Variants in HHAT observed in about 807,000 individuals in gnomAD.
HHAT encodes the protein hedgehog acyltransferase, also known as protein-cysteine N-palmitoyltransferase HHAT.
In HHAT, 47 loss-of-function variants were observed where a neutral mutation model predicts 70.8. The ratio of observed to expected loss-of-function variants is 0.66; its 90% CI spans 0.53 to 0.85. HHAT has a LOEUF of 0.85. Ranked by LOEUF, HHAT falls within the 40% of genes least tolerant of loss-of-function variation. The probability of loss-of-function intolerance (pLI) is 0.00; values close to 1 mark genes in which losing one functional copy is unlikely to be tolerated. For missense variants in HHAT, 609 were observed against 604.8 expected (o/e 1.01, Z -0.07); for synonymous variants, 228 against 247.6 (o/e 0.92, Z 0.74).
chr1:210,548,277 T>A (rs1573229781), intron 9 of HHAT, among the ~76,000 whole-genome samples: 1 of 152,322 alleles, frequency 6.6e-6, no homozygotes, highest in East Asian at 1.9e-4. Context: ...TTGGCCTATG[T>A]TAATGTCCTG....
At chr1:210,399,167 G>A (rs184930916) in intron 4 of HHAT, among the ~76,000 whole-genome samples, 45 of 152,338 alleles carry the variant, frequency 3.0e-4, no homozygotes, top group Admixed American at 8.5e-4. Flanking sequence ...GCATGCCCGT[G>A]AGACATCACA....
At chr1:210,654,960 C>T (rs1676071070) in intron 11 of HHAT, among the ~76,000 whole-genome samples, 1 of 152,210 alleles carries the variant, frequency 6.6e-6, no homozygotes, top group Non-Finnish European at 1.5e-5. Context: ...CTTGTAGGCA[C>T]TACCCCATCA....
intron 10 of HHAT, among the ~76,000 whole-genome samples, chr1:210,603,275 G>C (rs1229582663): frequency 6.6e-6 from 1 of 152,084 alleles, no homozygotes; most frequent in Non-Finnish European, 1.5e-5. Flanking sequence ...GAGATCCATA[G>C]TGTGAATGTA....
intron 8 of HHAT, among the ~76,000 whole-genome samples, chr1:210,498,802 C>T (rs949879855): frequency 3.5e-5 from 5 of 143,980 alleles, no homozygotes; most frequent in East Asian, 2.0e-4. Context: ...GACGGAGTCT[C>T]GCTCTGTGGC....
intron 8 of HHAT, among the ~76,000 whole-genome samples, chr1:210,511,814 G>A (rs1325878547): frequency 7.5e-6 from 1 of 132,882 alleles, no homozygotes; most frequent in Non-Finnish European, 1.6e-5. Context: ...TTTTGAGATG[G>A]AGTCTCACTC....
intron 11 of HHAT, 119 bp from the exon 12 acceptor site, chr1:210,674,169 T>C: frequency 1.3e-6 from 1 of 766,492 alleles, no homozygotes; most frequent in Non-Finnish European, 2.3e-6. Flanking sequence ...CAGCAGACTT[T>C]CCTGGAGGCC....
intron 8 of HHAT, among the ~76,000 whole-genome samples, chr1:210,505,712 T>G (rs961472239): frequency 7.9e-5 from 12 of 152,176 alleles, no homozygotes; most frequent in African/African-American, 2.2e-4. Flanking sequence ...ATTAATAGGC[T>G]AAACAAGCGT....
intron 9 of HHAT, among the ~76,000 whole-genome samples, chr1:210,541,861 G>T (rs114579432): frequency 9.2e-5 from 14 of 152,348 alleles, no homozygotes; most frequent in African/African-American, 3.1e-4. Flanking sequence ...GCCTGGGAAC[G>T]ATTTGCTGTC....
intron 7 of HHAT, among the ~76,000 whole-genome samples, chr1:210,448,709 T>G (rs1443089559): frequency 6.6e-6 from 1 of 152,224 alleles, no homozygotes; most frequent in Non-Finnish European, 1.5e-5. Flanking sequence ...AATTTTCCTG[T>G]GAAATTAAAA....
chr1:210,584,186 C>G (rs1452939676), intron 9 of HHAT, among the ~76,000 whole-genome samples: 1 of 151,868 alleles, frequency 6.6e-6, no homozygotes, highest in Admixed American at 6.6e-5. Context: ...AAGTGACCCC[C>G]CAGCCTCGGC....
intron 9 of HHAT, among the ~76,000 whole-genome samples, chr1:210,547,598 T>G (rs1323838645): frequency 1.3e-5 from 2 of 152,192 alleles, no homozygotes; most frequent in African/African-American, 4.8e-5. Flanking sequence ...TTTCCAATAA[T>G]CTAGTTACTG....
chr1:210,391,326 CTT>C (rs1273630208), intron 4 of HHAT, among the ~76,000 whole-genome samples: 4 of 152,056 alleles, frequency 2.6e-5, no homozygotes. Flanking sequence ...AAGTATTAAA[CTT>C]TTAGAAAATA....
At chr1:210,488,652 G>A (rs12034910) in intron 8 of HHAT, among the ~76,000 whole-genome samples, 104,068 of 152,076 alleles carry the variant, frequency 0.68, 35,832 homozygotes, top group East Asian at 0.77. Context: ...TAGCACTTTG[G>A]GAGGCTGAGG....
At chr1:210,655,313 C>T (rs1017612707) in intron 11 of HHAT, among the ~76,000 whole-genome samples, 1 of 152,178 alleles carries the variant, frequency 6.6e-6, no homozygotes, top group African/African-American at 2.4e-5. Flanking sequence ...TCACTGAGAT[C>T]CTGGCTGTCT....
intron 9 of HHAT, among the ~76,000 whole-genome samples, chr1:210,572,796 C>T (rs914802354): frequency 3.3e-5 from 5 of 151,976 alleles, no homozygotes; most frequent in East Asian, 1.9e-4. Flanking sequence ...CTCAGAAGGC[C>T]GGGGTGGGAG....
intron 7 of HHAT, among the ~76,000 whole-genome samples, chr1:210,418,604 T>G (rs1437030754): frequency 1.3e-5 from 2 of 152,166 alleles, no homozygotes; most frequent in Non-Finnish European, 2.9e-5. Context: ...GGTCCACATC[T>G]TCACAGCGTA....
At chr1:210,410,143 C>T (rs2092478516) in intron 6 of HHAT, among the ~76,000 whole-genome samples, 1 of 151,952 alleles carries the variant, frequency 6.6e-6, no homozygotes, top group Admixed American at 6.6e-5. Flanking sequence ...ACCTCCACCT[C>T]CCGGGTTCAC....
intron 2 of HHAT, among the ~76,000 whole-genome samples, chr1:210,362,192 G>T (rs1231834696): frequency 6.6e-6 from 1 of 151,208 alleles, no homozygotes; most frequent in Non-Finnish European, 1.5e-5. Context: ...TATCATAGCG[G>T]ATCCAATCAC....
chr1:210,614,018 C>CA lies in HHAT; in HGVS notation c.1246-9483dup, dbSNP rs55874321. On this transcript the variant is annotated intron_variant, in intron 10 of 11. Transcript: ENST00000261458. ...CTGGAGACAGAGTGAGACCCTGCCT[C>CA]AAAAAAAAAAAAAAAAAAAAAAAAA... 5.2e-3 allele frequency among the ~76,000 whole-genome samples: 583 copies of CA among 111,438 alleles called. 2 individuals carry two copies. Among genetic ancestry groups the CA allele is most frequent in the African/African-American group, 0.016 (443 of 27,962 alleles). The allele number at this position is 111,438 out of a possible 152,430, so 73.1% of individuals were successfully genotyped here.
Sources: gnomAD v4.1 joint callset for allele counts (sites outside exome capture counted in the v4.1 genomes callset) on GRCh38, gnomAD v4.1.1 for gene constraint, MANE v1.5 for transcripts, NCBI Gene and HGNC (gene_info 2026-07-23, HGNC 2026-07-21) for gene names.